Variants in VPS13D observed in about 807,000 individuals in gnomAD.
VPS13D encodes the protein vacuolar protein sorting 13 homolog D, also known as intermembrane lipid transfer protein VPS13D.
In VPS13D, 187 loss-of-function variants were observed where a neutral mutation model predicts 461.9. The observed-to-expected ratio is 0.40, with a 90% CI of 0.36 to 0.46. The LOEUF is 0.46. VPS13D is among the 20% of genes least tolerant of loss of function. The probability of loss-of-function intolerance (pLI) is 0.60; values close to 1 mark genes in which losing one functional copy is unlikely to be tolerated. For synonymous variants in VPS13D, 1,951 were observed against 1,986.3 expected (o/e 0.98, Z 0.47); for missense variants, 4,711 against 5,364.9 (o/e 0.88, Z 3.81).
intron 15 of VPS13D, among the ~76,000 whole-genome samples, 155 bp from the exon 16 acceptor site, chr1:12,268,551 C>T (rs1641343147): frequency 6.6e-6 from 1 of 152,008 alleles, no homozygotes; most frequent in Non-Finnish European, 1.5e-5. Context: ...ACAGTCAATC[C>T]TGATGAGGCT....
chr1:12,244,551 G>A lies in VPS13D; in HGVS notation c.381G>A (p.Gln127=). 6.2e-7 allele frequency: 1 copy of A among 1,614,226 alleles called. No individual in the cohort carries two copies. The highest frequency in any genetic ancestry group is 8.5e-7 in the Non-Finnish European group (1 of 1,180,022). ...TGTCTTTGTAGAATGACCGCCAGCA[G>A]AAAGGGGAGTCCTATTGGTATTCAG... ...LEEKWKNDRQ[Q]KGESYWYSVT... Residue 127 remains glutamine, a synonymous_variant, in exon 5 of 70, where the codon CAG becomes CAA. Coordinates refer to ENST00000620676, the MANE Select transcript of VPS13D (RefSeq NM_015378.4).
At chr1:12,435,460 G>GAAC (rs1031763456) in intron 65 of VPS13D, among the ~76,000 whole-genome samples, 2 of 151,938 alleles carry the variant, frequency 1.3e-5, no homozygotes, top group Admixed American at 6.6e-5. Flanking sequence ...GACCCTGTCT[G>GAAC]AACAACAACA....
At position 12,281,035 on chromosome 1, in the gene VPS13D, T is replaced by C. The variant is rs114321268; in HGVS notation, c.4602+1385T>C. ...GTGCCCATCACTCTGATTCCACTTA[T>C]GAAGATTTTGCCACATTTGTTTTAT... is the stretch of plus-strand genomic sequence containing the variant. On this transcript the variant is annotated intron_variant, in intron 20 of 69. Coordinates refer to ENST00000620676, the MANE Select transcript of VPS13D (RefSeq NM_015378.4). 7.5e-3 allele frequency among the ~76,000 whole-genome samples: 1,138 copies of C among 152,092 alleles called. 6 individuals carry two copies. Among genetic ancestry groups the C allele is most frequent in the Non-Finnish European group, 0.012 (847 of 68,006 alleles).
Position 12,362,730 on chromosome 1 carries a change from C to G in VPS13D, c.10152C>G (p.Val3384=). 1 of 1,613,964 alleles carries G rather than the reference C, an allele frequency of 6.2e-7. No individual in the cohort carries two copies. Among genetic ancestry groups the G allele is most frequent in the East Asian group, 2.2e-5 (1 of 44,878 alleles). The part of the protein sequence containing the change: ...PGLIYNIGID[V]KKGRGRYIDT... ...TCTTGTTATTTGTAGGTATTGATGT[C>G]AAGAAAGGCCGAGGTCGATACATTG... The change falls in exon 51 of 70, where the codon GTC becomes GTG. Residue 3384 remains valine, a synonymous_variant. Transcript: ENST00000620676.
At chr1:12,237,759 C>T (rs1332945336) in intron 2 of VPS13D, among the ~76,000 whole-genome samples, 1 of 150,718 alleles carries the variant, frequency 6.6e-6, no homozygotes, top group Non-Finnish European at 1.5e-5. Flanking sequence ...CCCAGGAGGT[C>T]GAGGCTGCAT....
At position 12,299,396 on chromosome 1, in the gene VPS13D, G is replaced by A; in HGVS notation, c.6216+12G>A. ...CCCTACAAGATAAGGTGAGCAATCA[G>A]TATCCATTTCCTTTTCCGTTCAGCT... is the stretch of plus-strand genomic sequence containing the variant. On this transcript the variant is annotated intron_variant, in intron 25 of 69. Transcript: ENST00000620676. This position sits in a 1 kb window ranked among gnomAD's most constrained non-coding sequence, Gnocchi z 4.2. The A allele has an allele frequency of 1.3e-6, 2 of 1,595,374 alleles. No individual in the cohort carries two copies. The highest frequency in any genetic ancestry group is 1.7e-6 in the Non-Finnish European group (2 of 1,173,304).
intron 65 of VPS13D, among the ~76,000 whole-genome samples, chr1:12,423,940 AG>A (rs1323702815): frequency 6.6e-6 from 1 of 152,246 alleles, no homozygotes; most frequent in Non-Finnish European, 1.5e-5. Flanking sequence ...GCACTGAGTG[AG>A]TCCCTGCATG....
chr1:12,242,638 T>C, intron 3 of VPS13D, 48 bp downstream of exon 3: 3 of 1,544,772 alleles, frequency 1.9e-6, no homozygotes, highest in Non-Finnish European at 2.7e-6. Context: ...TTAAATTGTT[T>C]GAGAGGTGAA....
At chr1:12,483,046 G>A (rs1408025461) in intron 67 of VPS13D, among the ~76,000 whole-genome samples, 1 of 151,994 alleles carries the variant, frequency 6.6e-6, no homozygotes, top group Non-Finnish European at 1.5e-5. Context: ...CTCTCCTTAG[G>A]CTAAAGTCCT....
At position 12,382,994 on chromosome 1, in the gene VPS13D, G is replaced by A; in HGVS notation, c.11209G>A (p.Gly3737Ser). ...CTTTTAGGCCAAAGGAGGACTTTCT[G>A]GTTTGTTTGATGGAGCTGAAGTTGT... Reference protein sequence around the residue: ...LVVQAKGGLSGLFDGAEVVLG... With the variant: ...LVVQAKGGLSSLFDGAEVVLG... The change falls in exon 58 of 70, where the codon GGT becomes AGT. Residue 3737 changes from glycine (G) to serine (S), a missense_variant. By Grantham distance (56) the Gly-to-Ser change is moderately conservative. Coordinates refer to ENST00000620676, the MANE Select transcript of VPS13D (RefSeq NM_015378.4). 1 of 1,613,810 alleles carries A rather than the reference G, an allele frequency of 6.2e-7. No homozygotes were observed. The highest frequency in any genetic ancestry group is 8.5e-7 in the Non-Finnish European group (1 of 1,179,898).
At chr1:12,494,169 G>T (rs1389118309) in intron 67 of VPS13D, among the ~76,000 whole-genome samples, 2 of 152,318 alleles carry the variant, frequency 1.3e-5, no homozygotes, top group East Asian at 3.9e-4. Flanking sequence ...CCTTGCCCTT[G>T]ATATTATTTG....
chr1:12,508,928 G>T lies in VPS13D; in HGVS notation c.13071G>T (p.Leu4357Phe). 6.2e-7 allele frequency: 1 copy of T among 1,614,180 alleles called. No individual in the cohort carries two copies. The highest frequency in any genetic ancestry group is 1.1e-5 in the South Asian group (1 of 91,068). Reference sequence around the variant, plus strand: ...AATCTGAGGTCCTTGCTGTCAAGTTGTCACAAGAAATAAACTACGCAAAGA... The same window carrying T: ...AATCTGAGGTCCTTGCTGTCAAGTTTTCACAAGAAATAAACTACGCAAAGA... ...HVKSEVLAVK[L>F]SQEINYAKSL... is the part of the protein sequence containing the mutation. Residue 4357 changes from leucine to phenylalanine, a missense_variant, in exon 70 of 70, where the codon TTG (leucine) becomes TTT (phenylalanine). This residue lies in a region of VPS13D where 194 missense variants were observed against 220.9 expected (regional missense o/e 0.88). Transcript: ENST00000620676.
At chr1:12,323,239 A>G (rs1643086045) in intron 34 of VPS13D, among the ~76,000 whole-genome samples, 1 of 151,184 alleles carries the variant, frequency 6.6e-6, no homozygotes, top group Admixed American at 6.6e-5. Flanking sequence ...ATGCCTCACT[A>G]ATTTTTACCT....
At chr1:12,351,527 C>A (rs1174896352) in intron 46 of VPS13D, among the ~76,000 whole-genome samples, 1 of 151,990 alleles carries the variant, frequency 6.6e-6, no homozygotes, top group African/African-American at 2.4e-5. Flanking sequence ...TGACCTCAGG[C>A]AATCCACCCA....
At chr1:12,352,826 A>G (rs1643825465) in intron 46 of VPS13D, among the ~76,000 whole-genome samples, 1 of 151,878 alleles carries the variant, frequency 6.6e-6, no homozygotes. Flanking sequence ...TTAGCCAGAC[A>G]TGGTGGTGCA....
chr1:12,454,201 C>G (rs1645297404), intron 65 of VPS13D, among the ~76,000 whole-genome samples: 2 of 152,130 alleles, frequency 1.3e-5, no homozygotes, highest in South Asian at 4.2e-4. Flanking sequence ...TGACCTCGCT[C>G]AGGGTCATGT....
intron 62 of VPS13D, among the ~76,000 whole-genome samples, chr1:12,403,081 C>T (rs1046651471): frequency 3.3e-5 from 5 of 152,212 alleles, no homozygotes; most frequent in African/African-American, 1.2e-4. Context: ...TGATAGCTTA[C>T]AACATAAATG....
chr1:12,339,202 A>G (rs1157423780), intron 40 of VPS13D, among the ~76,000 whole-genome samples: 1 of 152,104 alleles, frequency 6.6e-6, no homozygotes. Context: ...TCCTGCTTCT[A>G]AGCTTTCTAT....
In VPS13D at chr1:12,318,139, T is replaced by A; in HGVS notation, c.7216T>A (p.Trp2406Arg). 1 of 1,614,148 alleles carries A rather than the reference T, an allele frequency of 6.2e-7. No homozygotes were observed. The highest frequency in any genetic ancestry group is 8.5e-7 in the Non-Finnish European group (1 of 1,179,980). The change falls in exon 31 of 70, where the codon TGG becomes AGG. Residue 2406 changes from tryptophan (W) to arginine (R), a missense_variant. Trp to Arg is a moderately radical substitution (Grantham distance 101). Coordinates refer to ENST00000620676, the MANE Select transcript of VPS13D (RefSeq NM_015378.4). ...NNLRVFLIFD[W>R]LLLVHDFLHT... is the part of the protein sequence containing the mutation. ...TCTCCGTGTGTTTCTCATATTTGAC[T>A]GGCTACTGTTAGTCCATGATTTTCT... is the stretch of plus-strand genomic sequence containing the variant.
Sources: allele counts gnomAD v4.1 joint callset (sites outside exome capture counted in the v4.1 genomes callset), GRCh38; gene constraint gnomAD v4.1.1; regional missense constraint gnomAD v4.1.1; non-coding constraint Gnocchi (gnomAD v3.1); transcripts MANE v1.5; gene names NCBI Gene and HGNC (gene_info 2026-07-23, HGNC 2026-07-21).